MSI2: variants seen among roughly 807,000 people sequenced by gnomAD.
MSI2 encodes musashi RNA binding protein 2.
MSI2 carries 17 observed loss-of-function variants against 45.6 expected under a neutral mutation model. That is an observed-to-expected ratio of 0.37 (90% CI 0.26 to 0.56). The LOEUF (loss-of-function observed/expected upper bound fraction) is 0.56. Ranked by LOEUF, MSI2 falls within the 20% of genes least tolerant of loss-of-function variation. The pLI, the probability that MSI2 is intolerant of heterozygous loss-of-function variation, is 0.77. For missense variants in MSI2, 293 were observed against 444.2 expected, an observed-to-expected ratio of 0.66 and a Z score of 3.06; for synonymous variants, 156 against 158.2, an observed-to-expected ratio of 0.99 and a Z score of 0.11.
Position 57,616,127 on chromosome 17 carries a change from C to A in MSI2, c.652+43C>A, listed in dbSNP as rs747045023. ...CGCAGGTCACCATGGACTGGGAGGG[C>A]TATGGAGGCCTCTACTCCCAACTGG... On this transcript the variant is annotated intron_variant, in intron 9 of 13. Coordinates refer to ENST00000284073, the MANE Select transcript of MSI2 (RefSeq NM_138962.4). The A allele has an allele frequency of 1.0e-4, 157 of 1,514,016 alleles. No homozygotes were observed. In the East Asian group the frequency reaches 3.3e-3, roughly 32 times the overall value. 93.8% of individuals were successfully genotyped at this position (1,514,016 alleles called of 1,614,324 possible). A position where few individuals can be genotyped will look rare whatever the true frequency, so the allele number is the denominator to read the frequency against.
At chr17:57,507,936 A>G (rs2086273294) in intron 6 of MSI2, among the ~76,000 whole-genome samples, 1 of 152,206 alleles carries the variant, frequency 6.6e-6, no homozygotes, top group South Asian at 2.1e-4. Flanking sequence ...GTGAGCCGCC[A>G]TGCCTGGCTT....
chr17:57,572,884 C>G (rs767076164), intron 7 of MSI2, among the ~76,000 whole-genome samples: 1 of 152,220 alleles, frequency 6.6e-6, no homozygotes, highest in Non-Finnish European at 1.5e-5. Flanking sequence ...GAGTGGAGAT[C>G]AGGCTGAGAT....
At position 57,570,075 on chromosome 17, in the gene MSI2, C is replaced by T. The variant is rs1052330462; in HGVS notation, c.455-26793C>T. Among the ~76,000 whole-genome samples the T allele has an allele frequency of 3.3e-5, 5 of 152,328 alleles. No homozygotes were observed. In the East Asian group the frequency reaches 7.7e-4, roughly 23 times the overall value. On this transcript the variant is annotated intron_variant, in intron 7 of 13. Transcript: ENST00000284073. ...GGGACGCTCATATGATGGATGATTACACATCCATTAAAATGGTGTTTACAG... is the reference window on the plus strand; with the variant it reads ...GGGACGCTCATATGATGGATGATTATACATCCATTAAAATGGTGTTTACAG...
chr17:57,369,037 C>T (rs2083382674), intron 5 of MSI2, among the ~76,000 whole-genome samples: 1 of 152,176 alleles, frequency 6.6e-6, no homozygotes, highest in Non-Finnish European at 1.5e-5. Flanking sequence ...AAATAGGCTG[C>T]ATCTCAGAGT....
chr17:57,636,922 G>C (rs912532625), intron 10 of MSI2, among the ~76,000 whole-genome samples: 7 of 152,198 alleles, frequency 4.6e-5, no homozygotes, highest in Non-Finnish European at 1.0e-4. Context: ...CATAAGCATG[G>C]ACTCGTGCGT....
chr17:57,670,844 A>C (rs1405293993), intron 11 of MSI2, among the ~76,000 whole-genome samples: 1 of 152,186 alleles, frequency 6.6e-6, no homozygotes, highest in Non-Finnish European at 1.5e-5. Flanking sequence ...TATTTGTTTT[A>C]AACTTGACAA....
At chr17:57,631,984 T>C (rs1048416421) in intron 10 of MSI2, 108 of 1,433,656 alleles carry the variant, frequency 7.5e-5, no homozygotes, top group Non-Finnish European at 9.4e-5. Context: ...TCATTTTTAA[T>C]TCTTGGACTC....
chr17:57,575,067 T>C (rs559390828), intron 7 of MSI2, among the ~76,000 whole-genome samples: 1 of 152,118 alleles, frequency 6.6e-6, no homozygotes, highest in African/African-American at 2.4e-5. Context: ...CCTGACCTCG[T>C]GATCCGCCCA....
At chr17:57,599,147 A>G (rs1249179343) in intron 8 of MSI2, among the ~76,000 whole-genome samples, 1 of 152,214 alleles carries the variant, frequency 6.6e-6, no homozygotes, top group Non-Finnish European at 1.5e-5. Flanking sequence ...TTAAGGGTTC[A>G]TCAGGAAAGG....
At chr17:57,363,757 CAACAACAACAACAACA>C (rs1916993114) in intron 5 of MSI2, among the ~76,000 whole-genome samples, 1 of 138,552 alleles carries the variant, frequency 7.2e-6, no homozygotes, top group Non-Finnish European at 1.6e-5. Flanking sequence ...ACAGCAGCAG[CAACAACAACAACAACA>C]AACAACAACA....
At chr17:57,698,114 C>T in the MSI2 span, among the ~76,000 whole-genome samples, 1 of 152,172 alleles carries the variant, frequency 6.6e-6, no homozygotes, top group African/African-American at 2.4e-5. Flanking sequence ...TCCTGTCACT[C>T]TTCCCTTCTT....
At chr17:57,674,860 A>G in intron 11 of MSI2, 112 bp from the exon 12 acceptor site, 1 of 1,472,682 alleles carries the variant, frequency 6.8e-7, no homozygotes, top group Non-Finnish European at 9.1e-7. Context: ...TTGGCTTGTA[A>G]TGACCGGTGC....
intron 5 of MSI2, among the ~76,000 whole-genome samples, chr17:57,296,703 CAT>C (rs1031065587): frequency 2.0e-5 from 3 of 151,936 alleles, no homozygotes; most frequent in Non-Finnish European, 2.9e-5. Context: ...CCAAATAAAA[CAT>C]GTAGTTTAGT....
chr17:57,310,490 C>T (rs1467388941), intron 5 of MSI2, among the ~76,000 whole-genome samples: 10 of 152,122 alleles, frequency 6.6e-5, no homozygotes, highest in African/African-American at 2.4e-4. Flanking sequence ...CACAACACCG[C>T]TCCCAGCTAA....
chr17:57,598,172 G>T (rs768461871), intron 8 of MSI2, among the ~76,000 whole-genome samples: 13 of 152,214 alleles, frequency 8.5e-5, no homozygotes, highest in Non-Finnish European at 1.3e-4. Context: ...GGTTGGCCAC[G>T]AGAGCCTCCA....
chr17:57,574,901 G>C (rs1438272712), intron 7 of MSI2, among the ~76,000 whole-genome samples: 1 of 146,060 alleles, frequency 6.8e-6, no homozygotes, highest in Non-Finnish European at 1.5e-5. Flanking sequence ...CACGATCTCA[G>C]CTCACTGCAA....
rs561409883 is a variant in MSI2, at chr17:57,434,571, C to T, written c.405+33100C>T. Among the ~76,000 whole-genome samples the T allele has an allele frequency of 1.2e-4, 18 of 152,274 alleles. 1 individual carries two copies. In the South Asian group the frequency reaches 3.5e-3, roughly 30 times the overall value. On this transcript the variant is annotated intron_variant, in intron 6 of 13. Transcript: ENST00000284073. ...TCCCTCCTTCCCCATGCACCCCCAT[C>T]CTCTGGTAACCCCCATTCTATTAAT...
intron 5 of MSI2, among the ~76,000 whole-genome samples, chr17:57,268,961 T>A (rs973097331): frequency 7.9e-5 from 12 of 152,196 alleles, no homozygotes; most frequent in Non-Finnish European, 1.5e-4. Flanking sequence ...ACAGTTCTTG[T>A]CTTTAAGAAC....
intron 7 of MSI2, among the ~76,000 whole-genome samples, chr17:57,544,119 G>A (rs1268108425): frequency 6.6e-6 from 1 of 152,186 alleles, no homozygotes; most frequent in African/African-American, 2.4e-5. Context: ...GTGTGTGCCT[G>A]TGAGTGTGTT....
Sources: allele counts gnomAD v4.1 joint callset (sites outside exome capture counted in the v4.1 genomes callset), GRCh38; gene constraint gnomAD v4.1.1; transcripts MANE v1.5; gene names NCBI Gene and HGNC (gene_info 2026-07-23, HGNC 2026-07-21).